Variants in ARPC4 observed in about 807,000 individuals in gnomAD.
ARPC4 encodes the protein actin-related protein 2/3 complex subunit 4.
In ARPC4, 3 loss-of-function variants were observed where a neutral mutation model predicts 22.8. The ratio of observed to expected loss-of-function variants is 0.13; its 90% CI spans 0.06 to 0.34. The LOEUF (loss-of-function observed/expected upper bound fraction) is 0.34, where lower values mean the gene tolerates loss of function less well. Among genes scored for constraint, ARPC4 ranks in the 10% least tolerant of loss-of-function variants. The probability of loss-of-function intolerance (pLI) is 1.00; values close to 1 mark genes in which losing one functional copy is unlikely to be tolerated. For synonymous variants in ARPC4, 80 were observed against 72.5 expected, an observed-to-expected ratio of 1.10 and a Z score of -0.52; for missense variants, 98 against 211.0, an observed-to-expected ratio of 0.46 and a Z score of 3.32.
intron 1 of ARPC4, among the ~76,000 whole-genome samples, chr3:9,796,755 C>T (rs908434986): frequency 1.3e-5 from 2 of 152,048 alleles, no homozygotes; most frequent in Admixed American, 6.5e-5. Flanking sequence ...TCCTGGCTAA[C>T]ACCGTGAAAC....
chr3:9,795,155 G>A (rs36010010), intron 1 of ARPC4, among the ~76,000 whole-genome samples: 28,721 of 151,808 alleles, frequency 0.19, 3,092 homozygotes, highest in African/African-American at 0.27. Context: ...ACAGGCACCC[G>A]CCACAGCTAA....
chr3:9,793,304 T>C (rs1575315746), intron 1 of ARPC4, 180 bp downstream of exon 1: 1 of 1,220,046 alleles, frequency 8.2e-7, no homozygotes. Flanking sequence ...AAGGGGCGAG[T>C]GGGGGTACTC....
intron 2 of ARPC4, 189 bp from the exon 3 acceptor site, chr3:9,799,983 AAACCTTTTCGCCC>A (rs1408030886): frequency 2.7e-5 from 18 of 677,992 alleles, no homozygotes; most frequent in Non-Finnish European, 4.6e-5. Flanking sequence ...CTGGATTTCA[AAACCTTTTCGCCC>A]TGACTTCAGA....
chr3:9,801,205 C>T, intron 3 of ARPC4, among the ~76,000 whole-genome samples: 1 of 87,824 alleles, frequency 1.1e-5, no homozygotes, highest in Non-Finnish European at 2.0e-5. Flanking sequence ...AGCGAGATTC[C>T]ATCTCAGAAA....
intron 2 of ARPC4, 149 bp downstream of exon 2, chr3:9,797,926 A>G (rs1559727050): frequency 9.6e-6 from 8 of 831,020 alleles, no homozygotes. Context: ...GTGATTCCCA[A>G]TTTGGAGTTA....
intron 4 of ARPC4, among the ~76,000 whole-genome samples, chr3:9,802,613 G>A (rs1189376185): frequency 6.6e-6 from 1 of 150,768 alleles, no homozygotes; most frequent in Non-Finnish European, 1.5e-5. Context: ...CTGACCTCGT[G>A]ATCTGCCTGC....
intron 4 of ARPC4, among the ~76,000 whole-genome samples, chr3:9,802,215 G>A (rs1438892405): frequency 7.5e-6 from 1 of 134,072 alleles, no homozygotes; most frequent in Non-Finnish European, 1.6e-5. Flanking sequence ...TGCAGCCTGG[G>A]CGACAGAGCA....
At chr3:9,793,681 T>TATA (rs2078809926) in intron 1 of ARPC4, among the ~76,000 whole-genome samples, 2 of 152,176 alleles carry the variant, frequency 1.3e-5, no homozygotes, top group Non-Finnish European at 2.9e-5. Context: ...TCAGCCTTAG[T>TATA]GTATGTTAGC....
At chr3:9,803,751 G>T (rs1229660219) in intron 4 of ARPC4, 92 bp from the exon 5 acceptor site, 1 of 1,335,816 alleles carries the variant, frequency 7.5e-7, no homozygotes, top group Admixed American at 1.8e-5. Flanking sequence ...GAAGCATGTG[G>T]ATGAGTGGAG....
At chr3:9,798,082 C>A in intron 2 of ARPC4, 4 of 221,474 alleles carry the variant, frequency 1.8e-5, no homozygotes, top group Non-Finnish European at 3.5e-5. Flanking sequence ...AAGGAATGGT[C>A]AGATAATTGT....
In ARPC4 at chr3:9,806,292, G is replaced by C. The variant is rs944671356; in HGVS notation, c.*77G>C. ...CGAAGGCGTCCTGGAGTCACTCCCC[G>C]AGCAGCGCGGCGGCGGCAGGGAGTT... On this transcript the variant is annotated 3_prime_UTR_variant, in exon 6 of 6. Coordinates refer to ENST00000397261, the MANE Select transcript of ARPC4 (RefSeq NM_005718.5). The C allele has an allele frequency of 6.5e-7, 1 of 1,535,968 alleles. No individual in the cohort carries two copies. The highest frequency in any genetic ancestry group is 2.2e-5 in the East Asian group (1 of 44,496).
At chr3:9,796,105 TAAA>T (rs895162113) in intron 1 of ARPC4, among the ~76,000 whole-genome samples, 6 of 150,476 alleles carry the variant, frequency 4.0e-5, no homozygotes, top group African/African-American at 1.5e-4. Flanking sequence ...CAAAAAAAAA[TAAA>T]AAAGGCCAGG....
At chr3:9,796,636 C>T (rs1575322228) in intron 1 of ARPC4, among the ~76,000 whole-genome samples, 1 of 152,068 alleles carries the variant, frequency 6.6e-6, no homozygotes, top group African/African-American at 2.4e-5. Context: ...AAGCTAATCC[C>T]TCTCCTAAGA....
upstream of ARPC4, chr3:9,793,049 T>C: frequency 3.2e-6 from 5 of 1,543,998 alleles, no homozygotes; most frequent in Non-Finnish European, 4.4e-6. Context: ...TAGCTGCGCT[T>C]CTCGCGAAAG....
At chr3:9,794,139 A>G (rs2078824901) in intron 1 of ARPC4, among the ~76,000 whole-genome samples, 3 of 152,010 alleles carry the variant, frequency 2.0e-5, no homozygotes, top group African/African-American at 7.3e-5. Flanking sequence ...ATGAGACTAC[A>G]TCTGTTTTAT....
At chr3:9,795,015 T>G (rs1300331566) in intron 1 of ARPC4, among the ~76,000 whole-genome samples, 1 of 151,510 alleles carries the variant, frequency 6.6e-6, no homozygotes, top group Admixed American at 6.6e-5. Flanking sequence ...TTTCTTTTTC[T>G]TTTTTTTTAA....
upstream of ARPC4, chr3:9,792,842 G>A: frequency 1.5e-6 from 2 of 1,364,448 alleles, no homozygotes; most frequent in Non-Finnish European, 1.9e-6. Context: ...CTGTGGCAAA[G>A]GTGACAAGAA....
intron 1 of ARPC4, 93 bp from the exon 2 acceptor site, chr3:9,797,566 T>G (rs959572950): frequency 2.2e-5 from 31 of 1,413,476 alleles, no homozygotes; most frequent in Non-Finnish European, 2.9e-5. Flanking sequence ...GCACCCTCAG[T>G]GCTACCTGGC....
upstream of ARPC4, chr3:9,792,835 T>C (rs748782262): frequency 7.4e-5 from 100 of 1,359,244 alleles, no homozygotes; most frequent in African/African-American, 2.3e-4. Context: ...GGGGAGGCTG[T>C]GGCAAAGGTG....
Sources: gnomAD v4.1 joint callset for allele counts (sites outside exome capture counted in the v4.1 genomes callset) on GRCh38, gnomAD v4.1.1 for gene constraint, MANE v1.5 for transcripts, NCBI Gene and HGNC (gene_info 2026-07-23, HGNC 2026-07-21) for gene names.